The following SGCZ variants were observed in gnomAD, a reference collection of about 807,000 sequenced individuals.
SGCZ encodes the protein zeta-sarcoglycan.
SGCZ carries 40 observed loss-of-function variants against 41.3 expected under a neutral mutation model. The observed-to-expected ratio is 0.97, with a 90% CI of 0.75 to 1.26. SGCZ has a LOEUF of 1.26. SGCZ is among the 50% of genes most tolerant of loss of function. The pLI is 0.00. For missense variants in SGCZ, 552 were observed against 369.8 expected, an observed-to-expected ratio of 1.49 and a Z score of -4.04; for synonymous variants, 206 against 137.5, an observed-to-expected ratio of 1.50 and a Z score of -3.49.
intron 1 of SGCZ, among the ~76,000 whole-genome samples, chr8:15,086,374 T>C (rs1754917585): frequency 6.6e-6 from 1 of 152,174 alleles, no homozygotes; most frequent in Non-Finnish European, 1.5e-5. Flanking sequence ...CAGCTCCTCT[T>C]AGAGGTGAGT....
At position 14,247,474 on chromosome 8, in the gene SGCZ, C is replaced by G. The variant is rs563512433; in HGVS notation, c.337-9795G>C. On this transcript the variant is annotated intron_variant, in intron 3 of 7. Transcript: ENST00000382080. ...TCCTGTATCAGTCAAAAACCTCCAA[C>G]TCCACCTTTAGCCATGGGTGGGCTT... is the stretch of plus-strand genomic sequence containing the variant. 5.9e-5 allele frequency among the ~76,000 whole-genome samples: 9 copies of G among 152,336 alleles called. 1 individual carries two copies. The South Asian group carries it at 1.2e-3, about 21-fold the overall frequency.
At chr8:14,688,294 C>T (rs1209412410) in intron 1 of SGCZ, among the ~76,000 whole-genome samples, 1 of 151,860 alleles carries the variant, frequency 6.6e-6, no homozygotes, top group Non-Finnish European at 1.5e-5. Flanking sequence ...AATGGTAATG[C>T]CTAGGTTTTC....
intron 5 of SGCZ, among the ~76,000 whole-genome samples, chr8:14,129,532 A>G (rs1370490561): frequency 6.6e-6 from 1 of 151,906 alleles, no homozygotes; most frequent in African/African-American, 2.4e-5. Context: ...AAACAAAAAC[A>G]CAACCTACCC....
At chr8:14,934,801 A>C (rs1800032511) in intron 1 of SGCZ, among the ~76,000 whole-genome samples, 1 of 151,794 alleles carries the variant, frequency 6.6e-6, no homozygotes, top group Non-Finnish European at 1.5e-5. Context: ...AGGCAGGAAA[A>C]ATGACTAAAT....
intron 1 of SGCZ, among the ~76,000 whole-genome samples, chr8:15,093,988 C>T (rs2131067584): frequency 6.6e-6 from 1 of 152,204 alleles, no homozygotes; most frequent in East Asian, 1.9e-4. Context: ...TTCTCATGAA[C>T]AATACCTGCT....
At chr8:14,961,715 C>T (rs1375697495) in intron 1 of SGCZ, among the ~76,000 whole-genome samples, 7 of 152,054 alleles carry the variant, frequency 4.6e-5, no homozygotes, top group African/African-American at 1.7e-4. Flanking sequence ...GGAGGAACTA[C>T]TGTACAAATG....
At chr8:14,647,071 C>T (rs1451536895) in intron 1 of SGCZ, among the ~76,000 whole-genome samples, 1 of 151,904 alleles carries the variant, frequency 6.6e-6, no homozygotes, top group Non-Finnish European at 1.5e-5. Context: ...AAAGGGGAAG[C>T]CCATTTTGTG....
chr8:14,370,121 G>T (rs1222772158), intron 2 of SGCZ, among the ~76,000 whole-genome samples: 1 of 151,934 alleles, frequency 6.6e-6, no homozygotes, highest in African/African-American at 2.4e-5. Flanking sequence ...AGATGTAGGG[G>T]AGGATATGAG....
At chr8:14,237,747 T>A (rs1388365472) in intron 3 of SGCZ, 68 bp from the exon 4 acceptor site, 2 of 1,362,688 alleles carry the variant, frequency 1.5e-6, no homozygotes, top group Admixed American at 1.8e-5. Flanking sequence ...AAAAATATAC[T>A]GCATTTGTTT....
chr8:15,203,095 A>G (rs1020851317), intron 1 of SGCZ, among the ~76,000 whole-genome samples: 2 of 151,972 alleles, frequency 1.3e-5, no homozygotes, highest in Admixed American at 6.6e-5. Context: ...GGGTGACAGA[A>G]CAAGACTCAG....
chr8:14,314,750 A>T (rs1332437831), intron 3 of SGCZ, among the ~76,000 whole-genome samples: 4 of 152,166 alleles, frequency 2.6e-5, no homozygotes, highest in African/African-American at 9.7e-5. Context: ...GTTTGTATTT[A>T]CATATTTTCC....
chr8:14,199,569 T>G (rs569970316), intron 4 of SGCZ, among the ~76,000 whole-genome samples: 12 of 152,226 alleles, frequency 7.9e-5, no homozygotes, highest in African/African-American at 2.4e-4. Flanking sequence ...TAATAAAAAC[T>G]TGCTGGTTTT....
At chr8:15,104,822 A>G (rs527364851) in intron 1 of SGCZ, among the ~76,000 whole-genome samples, 1 of 152,294 alleles carries the variant, frequency 6.6e-6, no homozygotes, top group South Asian at 2.1e-4. Context: ...ACCCATTTAC[A>G]TGGTTTCATT....
chr8:15,183,623 C>G (rs1233925789), intron 1 of SGCZ, among the ~76,000 whole-genome samples: 2 of 152,154 alleles, frequency 1.3e-5, no homozygotes, highest in East Asian at 1.9e-4. Flanking sequence ...CCAAAATGAT[C>G]CTATGACATA....
intron 1 of SGCZ, among the ~76,000 whole-genome samples, chr8:14,856,649 C>T (rs76782770): frequency 0.01 from 1,588 of 152,222 alleles, 21 homozygotes; most frequent in African/African-American, 0.037. Context: ...CCAGTTTCTA[C>T]TGATTGTTCC....
intron 5 of SGCZ, among the ~76,000 whole-genome samples, chr8:14,130,744 G>A (rs1425132150): frequency 1.1e-4 from 16 of 152,150 alleles, no homozygotes. Flanking sequence ...GCTTGCATAG[G>A]TAAATGCCAG....
chr8:14,929,458 C>T (rs1799864296), intron 1 of SGCZ, among the ~76,000 whole-genome samples: 1 of 151,866 alleles, frequency 6.6e-6, no homozygotes. Flanking sequence ...AGTATCTTAC[C>T]GAATGCCTGG....
intron 2 of SGCZ, among the ~76,000 whole-genome samples, chr8:14,360,182 C>T (rs1033986678): frequency 2.6e-5 from 4 of 152,174 alleles, no homozygotes; most frequent in South Asian, 2.1e-4. Flanking sequence ...ACTGGAAGCC[C>T]TGCCCTTAAA....
intron 1 of SGCZ, among the ~76,000 whole-genome samples, chr8:14,894,565 A>T (rs1422123334): frequency 6.6e-6 from 1 of 152,136 alleles, no homozygotes; most frequent in South Asian, 2.1e-4. Flanking sequence ...TTTGCTTCAG[A>T]TGATCACTGG....
Sources: gnomAD v4.1 joint callset for allele counts (sites outside exome capture counted in the v4.1 genomes callset) on GRCh38, gnomAD v4.1.1 for gene constraint, MANE v1.5 for transcripts, NCBI Gene and HGNC (gene_info 2026-07-23, HGNC 2026-07-21) for gene names.